Variants in TENM2 observed in about 807,000 individuals in gnomAD.
The protein encoded by TENM2 is teneurin transmembrane protein 2, also known as teneurin-2.
A neutral mutation model predicts 245.2 loss-of-function variants in TENM2; 52 were observed. The observed-to-expected ratio is 0.21, with a 90% CI of 0.17 to 0.27. The LOEUF (loss-of-function observed/expected upper bound fraction) is 0.27. TENM2 is among the 10% of genes least tolerant of loss of function. TENM2 has a pLI of 1.00. For synonymous variants in TENM2, 1,363 were observed against 1,438.9 expected (o/e 0.95, Z 1.19); for missense variants, 3,046 against 3,666.8 (o/e 0.83, Z 4.37).
intron 5 of TENM2, among the ~76,000 whole-genome samples, chr5:168,026,987 G>A (rs183577208): frequency 6.6e-6 from 1 of 152,202 alleles, no homozygotes; most frequent in East Asian, 1.9e-4. Context: ...ATCAAATTAG[G>A]AGGAATGGGA....
chr5:167,698,978 G>A (rs928716480), intron 2 of TENM2, among the ~76,000 whole-genome samples: 1 of 151,836 alleles, frequency 6.6e-6, no homozygotes. Flanking sequence ...CACCCTGCCC[G>A]GCCCCATAAG....
chr5:167,815,340 G>C (rs1766960956), intron 2 of TENM2, among the ~76,000 whole-genome samples: 1 of 152,148 alleles, frequency 6.6e-6, no homozygotes, highest in African/African-American at 2.4e-5. Context: ...AAAGATGATA[G>C]CAGCTCCTAG....
chr5:167,285,443 G>A (rs567604619), intron 1 of TENM2, among the ~76,000 whole-genome samples: 27 of 152,170 alleles, frequency 1.8e-4, no homozygotes, highest in Non-Finnish European at 2.2e-4. Context: ...TGAGTTATAC[G>A]TTTCTCTTTT....
chr5:167,727,446 C>T (rs1003341524), intron 2 of TENM2, among the ~76,000 whole-genome samples: 3 of 152,162 alleles, frequency 2.0e-5, no homozygotes, highest in African/African-American at 7.2e-5. Flanking sequence ...TTTCACATGC[C>T]TTGTGTCAGC....
intron 2 of TENM2, among the ~76,000 whole-genome samples, chr5:167,807,245 G>A (rs950978615): frequency 6.6e-6 from 1 of 150,530 alleles, no homozygotes; most frequent in Admixed American, 6.6e-5. Context: ...TTTTTGGGGG[G>A]TAAGGTTAAT....
intron 2 of TENM2, among the ~76,000 whole-genome samples, chr5:167,383,725 G>T (rs1761240499): frequency 1.2e-5 from 1 of 86,138 alleles, no homozygotes; most frequent in African/African-American, 7.2e-5. Flanking sequence ...AACTGGTGCA[G>T]GATAAAAAAA....
Position 168,171,795 on chromosome 5 carries a change from G to T in TENM2, c.2569+9038G>T, listed in dbSNP as rs966447239. ...AATTTTAATCATGTAAATCACTATGGACTTATTTTAGGGAATTAAAGGATG... is the reference window on the plus strand; with the variant it reads ...AATTTTAATCATGTAAATCACTATGTACTTATTTTAGGGAATTAAAGGATG... On this transcript the variant is annotated intron_variant, in intron 13 of 28. Transcript: ENST00000518659. Among the ~76,000 whole-genome samples, 26 of 152,094 alleles carry T rather than the reference G, an allele frequency of 1.7e-4. 1 individual carries two copies. The highest frequency in any genetic ancestry group is 6.3e-4 in the African/African-American group (26 of 41,412).
intron 2 of TENM2, among the ~76,000 whole-genome samples, chr5:167,734,020 G>T (rs984067242): frequency 1.3e-5 from 2 of 152,114 alleles, no homozygotes; most frequent in Admixed American, 1.3e-4. Context: ...CTTGACTTCA[G>T]ATAACACTTT....
intron 2 of TENM2, among the ~76,000 whole-genome samples, chr5:167,413,981 G>A (rs1039759130): frequency 6.6e-6 from 1 of 152,090 alleles, no homozygotes; most frequent in Admixed American, 6.6e-5. Flanking sequence ...TATTTGTTTT[G>A]TTATATTACA....
chr5:167,635,019 C>T (rs1408681690), intron 2 of TENM2, among the ~76,000 whole-genome samples: 3 of 152,030 alleles, frequency 2.0e-5, no homozygotes, highest in African/African-American at 4.8e-5. Context: ...AACTGGGTAC[C>T]CCTACAGGCT....
At chr5:168,115,426 A>AGG (rs70976463) in intron 9 of TENM2, among the ~76,000 whole-genome samples, 8 of 146,640 alleles carry the variant, frequency 5.5e-5, no homozygotes, top group Admixed American at 2.7e-4. Flanking sequence ...AAAGGAAGGA[A>AGG]AGAAAAAAAA....
Position 167,611,919 on chromosome 5 carries a change from G to A in TENM2, c.502+236446G>A, listed in dbSNP as rs532314022. 3.3e-5 allele frequency among the ~76,000 whole-genome samples: 5 copies of A among 152,092 alleles called. No homozygotes were observed. In the East Asian group the frequency reaches 5.8e-4, roughly 18 times the overall value. ...TAGGTTTTAACATATGAATTTTGGCGAGACACATTCAGACCATAGCAAATG... is the reference window on the plus strand; with the variant it reads ...TAGGTTTTAACATATGAATTTTGGCAAGACACATTCAGACCATAGCAAATG... On this transcript the variant is annotated intron_variant, in intron 2 of 28. Coordinates refer to ENST00000518659, the Ensembl canonical transcript of TENM2.
chr5:167,516,808 C>T (rs1373974236), intron 2 of TENM2, among the ~76,000 whole-genome samples: 3 of 152,224 alleles, frequency 2.0e-5, no homozygotes, highest in African/African-American at 7.2e-5. Flanking sequence ...CTGTCCTACA[C>T]ATCATCTGAC....
chr5:167,212,120 C>T, the TENM2 span, among the ~76,000 whole-genome samples: 1 of 152,106 alleles, frequency 6.6e-6, no homozygotes, highest in Admixed American at 6.6e-5. Flanking sequence ...TTGCTTTTAG[C>T]TTTGTGGCTT....
chr5:167,306,845 A>T (rs1398867716), intron 1 of TENM2, among the ~76,000 whole-genome samples: 11 of 152,216 alleles, frequency 7.2e-5, no homozygotes, highest in Admixed American at 2.0e-4. Flanking sequence ...AATAATATTT[A>T]CTGAATATTA....
rs1272473164 is a variant in TENM2, at chr5:168,218,493, T to C, written c.4602T>C (p.Asp1534=). The C allele has an allele frequency of 2.5e-6, 4 of 1,614,056 alleles. 1 individual carries two copies. The South Asian group carries it at 4.4e-5, about 18-fold the overall frequency. Residue 1534 remains aspartate, a synonymous_variant, in exon 23 of 29, where the codon GAT becomes GAC. Coordinates refer to ENST00000518659, the Ensembl canonical transcript of TENM2. This position sits in a 1 kb window ranked among gnomAD's most constrained non-coding sequence, Gnocchi z 5.2. Reference sequence around the variant, plus strand: ...TCAATTGCAACTGCTATTCAGGAGATGATGCCTACGCGACTGATGCCATCT... The same window carrying C: ...TCAATTGCAACTGCTATTCAGGAGACGATGCCTACGCGACTGATGCCATCT...
chr5:168,155,892 T>TAAAAAAAAAAAAAAA (rs55977607), intron 12 of TENM2, among the ~76,000 whole-genome samples: 1 of 96,930 alleles, frequency 1.0e-5, no homozygotes, highest in African/African-American at 3.6e-5. Flanking sequence ...CTGGCATCTG[T>TAAAAAAAAAAAAAAA]AAAAAAAAAA....
At chr5:167,674,667 A>AC (rs375320254) in intron 2 of TENM2, among the ~76,000 whole-genome samples, 64 of 151,892 alleles carry the variant, frequency 4.2e-4, no homozygotes, top group African/African-American at 1.4e-3. Flanking sequence ...CATTAATAGC[A>AC]CCCCCCTCTT....
At chr5:167,143,392 A>G in the TENM2 span, among the ~76,000 whole-genome samples, 1 of 152,150 alleles carries the variant, frequency 6.6e-6, no homozygotes, top group Non-Finnish European at 1.5e-5. Context: ...TTTTACCACC[A>G]TTCGTTGGGA....
Sources: gnomAD v4.1 joint callset for allele counts (sites outside exome capture counted in the v4.1 genomes callset) on GRCh38, gnomAD v4.1.1 for gene constraint, Gnocchi (gnomAD v3.1) non-coding constraint, MANE v1.5 for transcripts, NCBI Gene and HGNC (gene_info 2026-07-23, HGNC 2026-07-21) for gene names.